Variants in RERE observed in about 807,000 individuals in gnomAD.
RERE encodes arginine-glutamic acid dipeptide repeats.
Under a neutral mutation model 146.1 loss-of-function variants are expected in RERE, and 40 were observed. That is an observed-to-expected ratio of 0.27 (90% CI 0.21 to 0.36). RERE has a LOEUF of 0.36. RERE is among the 10% of genes least tolerant of loss of function. RERE has a pLI of 1.00. For missense variants in RERE, 1,933 were observed against 2,138.7 expected, an observed-to-expected ratio of 0.90 and a Z score of 1.90; for synonymous variants, 1,003 against 866.0, an observed-to-expected ratio of 1.16 and a Z score of -2.78.
chr1:8,361,592 C>A, intron 17 of RERE, 102 bp from the exon 18 acceptor site: 1 of 1,503,708 alleles, frequency 6.7e-7, no homozygotes. Context: ...GCAGATGAAG[C>A]AGCAAGCTTG....
chr1:8,536,296 C>T (rs967121307), intron 7 of RERE, among the ~76,000 whole-genome samples: 3 of 151,834 alleles, frequency 2.0e-5, no homozygotes, highest in Admixed American at 6.6e-5. Flanking sequence ...CCCATGGACA[C>T]GAGGATTAAG....
At chr1:8,755,255 AC>A (rs1378074472) in intron 1 of RERE, among the ~76,000 whole-genome samples, 1 of 152,240 alleles carries the variant, frequency 6.6e-6, no homozygotes, top group African/African-American at 2.4e-5. Context: ...GAAGCTAAAT[AC>A]AGTCAAAACA....
At chr1:8,500,474 G>A (rs1175940398) in intron 8 of RERE, among the ~76,000 whole-genome samples, 3 of 152,246 alleles carry the variant, frequency 2.0e-5, no homozygotes, top group Non-Finnish European at 2.9e-5. Flanking sequence ...GGCCTCCCGA[G>A]GTGCTGGGAT....
intron 4 of RERE, among the ~76,000 whole-genome samples, chr1:8,583,381 C>T (rs11807092): frequency 0.026 from 3,891 of 152,150 alleles, 150 homozygotes; most frequent in African/African-American, 0.088. Flanking sequence ...AGCATCTGCA[C>T]GAGAGAAAAC....
At chr1:8,532,185 A>G (rs1161644293) in intron 7 of RERE, among the ~76,000 whole-genome samples, 21 of 152,246 alleles carry the variant, frequency 1.4e-4, no homozygotes, top group Admixed American at 1.4e-3. Context: ...TTGGACATGC[A>G]TATTTACCTT....
At chr1:8,516,359 A>G (rs574267087) in intron 7 of RERE, among the ~76,000 whole-genome samples, 1 of 152,034 alleles carries the variant, frequency 6.6e-6, no homozygotes, top group South Asian at 2.1e-4. Context: ...TTCCACGACA[A>G]CTCTATGAGG....
At chr1:8,603,829 G>A (rs764706651) in intron 4 of RERE, among the ~76,000 whole-genome samples, 4 of 150,780 alleles carry the variant, frequency 2.7e-5, no homozygotes, top group African/African-American at 4.9e-5. Context: ...ATGGTGGCCC[G>A]TGCCTGTAGT....
chr1:8,388,452 TG>T (rs1185053105), intron 12 of RERE, among the ~76,000 whole-genome samples: 1 of 152,134 alleles, frequency 6.6e-6, no homozygotes, highest in Non-Finnish European at 1.5e-5. Context: ...CCTGAGTAGC[TG>T]GGACTACAGG....
chr1:8,400,222 A>ATGTGTGTGTGTGTG (rs1553161719), intron 12 of RERE, among the ~76,000 whole-genome samples: 26 of 140,142 alleles, frequency 1.9e-4, no homozygotes, highest in East Asian at 6.6e-4. Context: ...CCTGTGTCAT[A>ATGTGTGTGTGTGTG]TGTGTGTGTG....
intron 11 of RERE, among the ~76,000 whole-genome samples, chr1:8,455,303 G>A (rs1325754536): frequency 1.3e-5 from 2 of 151,986 alleles, no homozygotes; most frequent in East Asian, 1.9e-4. Flanking sequence ...GTGCAGTGGC[G>A]AGATCACAAG....
rs1273328279 is a variant in RERE at position 8,622,485 on chromosome 1, TTAAAAAAAA to T, written c.396+1816_396+1824del. 1.1e-3 allele frequency among the ~76,000 whole-genome samples: 73 copies of T among 69,420 alleles called. 1 individual carries two copies. Among genetic ancestry groups the T allele is most frequent in the African/African-American group, 3.8e-3 (66 of 17,380 alleles). 45.5% of individuals were successfully genotyped at this position (69,420 alleles called of 152,430 possible). A position where few individuals can be genotyped will look rare whatever the true frequency, so the allele number is the denominator to read the frequency against. On this transcript the variant is annotated intron_variant, in intron 3 of 22. Coordinates refer to ENST00000400908, the MANE Select transcript of RERE (RefSeq NM_001042681.2). ...TTTCAGGTGTCAGTGCTGTATCTGT[TTAAAAAAAA>T]AAAAAAAAAAAAAAAAACACACTTT...
In RERE at chr1:8,773,765, A is replaced by G. The variant is rs978582942; in HGVS notation, c.-145+43395T>C. Among the ~76,000 whole-genome samples, 5 of 152,312 alleles carry G rather than the reference A, an allele frequency of 3.3e-5. No individual in the cohort carries two copies. The South Asian group carries it at 8.3e-4, about 25-fold the overall frequency. ...CTTGAACCTGGGAGGCAGAGACTGCAGGGAGCTGAGATCGCGCCACTGCAC... is the reference window on the plus strand; with the variant it reads ...CTTGAACCTGGGAGGCAGAGACTGCGGGGAGCTGAGATCGCGCCACTGCAC... On this transcript the variant is annotated intron_variant, in intron 1 of 22. Coordinates refer to ENST00000400908, the MANE Select transcript of RERE (RefSeq NM_001042681.2).
At chr1:8,683,210 C>T (rs985326578) in intron 1 of RERE, among the ~76,000 whole-genome samples, 20 of 152,112 alleles carry the variant, frequency 1.3e-4, no homozygotes, top group African/African-American at 4.8e-4. Flanking sequence ...GCAGGCCCAG[C>T]CTCACGCCAA....
At chr1:8,520,754 T>TAAAAAAAAAAAAAAA (rs145670197) in intron 7 of RERE, among the ~76,000 whole-genome samples, 1 of 92,976 alleles carries the variant, frequency 1.1e-5, no homozygotes. Flanking sequence ...AAAAACTTTT[T>TAAAAAAAAAAAAAAA]AAAAAAAAAA....
At chr1:8,795,438 T>G (rs955051546) in intron 1 of RERE, among the ~76,000 whole-genome samples, 1 of 152,036 alleles carries the variant, frequency 6.6e-6, no homozygotes, top group Non-Finnish European at 1.5e-5. Flanking sequence ...GCTGGAACTA[T>G]AGACATGCCA....
intron 11 of RERE, among the ~76,000 whole-genome samples, chr1:8,428,181 C>G (rs1371753771): frequency 6.6e-6 from 1 of 152,182 alleles, no homozygotes; most frequent in Non-Finnish European, 1.5e-5. Context: ...GAAGGCAAGT[C>G]ACTGACTTGG....
intron 6 of RERE, among the ~76,000 whole-genome samples, chr1:8,542,325 C>T (rs1645809781): frequency 6.6e-6 from 1 of 152,142 alleles, no homozygotes; most frequent in Non-Finnish European, 1.5e-5. Context: ...CAGGACGTGG[C>T]CTCCCACTGC....
At chr1:8,598,233 C>T (rs1034627625) in intron 4 of RERE, among the ~76,000 whole-genome samples, 3 of 152,180 alleles carry the variant, frequency 2.0e-5, no homozygotes, top group Non-Finnish European at 2.9e-5. Context: ...TCCCAGACTC[C>T]CTCCCATGGA....
intron 8 of RERE, among the ~76,000 whole-genome samples, chr1:8,499,992 C>T (rs1645108132): frequency 6.6e-6 from 1 of 152,160 alleles, no homozygotes; most frequent in South Asian, 2.1e-4. Flanking sequence ...TGGTGGCACA[C>T]GCCTATAGTG....
Sources: allele counts gnomAD v4.1 joint callset (sites outside exome capture counted in the v4.1 genomes callset), GRCh38; gene constraint gnomAD v4.1.1; transcripts MANE v1.5; gene names NCBI Gene and HGNC (gene_info 2026-07-23, HGNC 2026-07-21).